The following NTM variants were observed in gnomAD, a reference collection of about 807,000 sequenced individuals.
NTM encodes neurotrimin.
NTM carries 13 observed loss-of-function variants against 42.1 expected under a neutral mutation model. The ratio of observed to expected loss-of-function variants is 0.31; its 90% CI spans 0.20 to 0.49. The LOEUF (loss-of-function observed/expected upper bound fraction) is 0.49. NTM is among the 20% of genes least tolerant of loss of function. The pLI, the probability that NTM is intolerant of heterozygous loss-of-function variation, is 0.99. For synonymous variants in NTM, 187 were observed against 179.2 expected (o/e 1.04, Z -0.35); for missense variants, 373 against 452.8 (o/e 0.82, Z 1.60).
chr11:132,256,774 C>A (rs911886368), intron 4 of NTM, among the ~76,000 whole-genome samples: 1 of 152,102 alleles, frequency 6.6e-6, no homozygotes, highest in African/African-American at 2.4e-5. Flanking sequence ...GTGGGCCAAT[C>A]AGCCCCACTC....
intron 1 of NTM, among the ~76,000 whole-genome samples, chr11:131,418,158 A>T (rs1947141488): frequency 6.6e-6 from 1 of 152,204 alleles, no homozygotes. Context: ...GATTGTATCC[A>T]ATCCTTTTTG....
intron 7 of NTM, chr11:132,317,650 TTTAGAACTAAA>T: frequency 7.7e-7 from 1 of 1,303,048 alleles, no homozygotes; most frequent in Non-Finnish European, 1.0e-6. Flanking sequence ...CCTCAACCGA[TTTAGAACTAAA>T]TGAGCCTACG....
intron 1 of NTM, among the ~76,000 whole-genome samples, chr11:131,481,626 CCCTGTTGCAGGGA>C (rs1451018491): frequency 2.2e-5 from 1 of 44,812 alleles, no homozygotes; most frequent in Non-Finnish European, 3.8e-5. Flanking sequence ...GGTTGCAGGG[CCCTGTTGCAGGGA>C]AGCACCCTAG....
intron 2 of NTM, among the ~76,000 whole-genome samples, chr11:132,087,505 C>T (rs1245755077): frequency 6.6e-6 from 1 of 152,082 alleles, no homozygotes; most frequent in East Asian, 1.9e-4. Flanking sequence ...AAAGGAACTG[C>T]CTCAAGGAGG....
intron 3 of NTM, among the ~76,000 whole-genome samples, chr11:132,185,326 T>A (rs1382640233): frequency 6.6e-6 from 1 of 152,236 alleles, no homozygotes; most frequent in African/African-American, 2.4e-5. Flanking sequence ...ATCAAGGCTT[T>A]TATGTTCCCC....
chr11:132,071,904 A>C (rs1484886007), intron 2 of NTM, among the ~76,000 whole-genome samples: 1 of 152,182 alleles, frequency 6.6e-6, no homozygotes, highest in African/African-American at 2.4e-5. Context: ...GGATCTAATA[A>C]AATCTTCTGT....
chr11:132,282,344 G>C (rs2094004317), intron 4 of NTM, among the ~76,000 whole-genome samples: 1 of 152,316 alleles, frequency 6.6e-6, no homozygotes, highest in Middle Eastern at 3.4e-3. Context: ...GCTCTTTAGG[G>C]AATAGCTTGT....
At chr11:132,149,849 T>C (rs1353013191) in intron 3 of NTM, among the ~76,000 whole-genome samples, 1 of 152,168 alleles carries the variant, frequency 6.6e-6, no homozygotes, top group Non-Finnish European at 1.5e-5. Context: ...CTTGCCAGGG[T>C]GGCTATTTTA....
At chr11:131,562,662 G>A (rs566438067) in intron 1 of NTM, among the ~76,000 whole-genome samples, 17 of 152,118 alleles carry the variant, frequency 1.1e-4, no homozygotes, top group Non-Finnish European at 1.5e-4. Context: ...CTTTTCCTTC[G>A]TGTTTCTTAA....
At chr11:131,752,853 C>A (rs1170392061) in intron 1 of NTM, among the ~76,000 whole-genome samples, 1 of 152,124 alleles carries the variant, frequency 6.6e-6, no homozygotes, top group Non-Finnish European at 1.5e-5. Context: ...GTCTAAAACA[C>A]CAAAAGCAAT....
At chr11:131,532,735 T>A (rs2051479870) in intron 1 of NTM, among the ~76,000 whole-genome samples, 2 of 152,246 alleles carry the variant, frequency 1.3e-5, no homozygotes, top group Non-Finnish European at 2.9e-5. Flanking sequence ...CACTGACTGT[T>A]TTCTATTTTT....
At chr11:132,202,109 T>A (rs1470555192) in intron 3 of NTM, among the ~76,000 whole-genome samples, 1 of 152,226 alleles carries the variant, frequency 6.6e-6, no homozygotes, top group Non-Finnish European at 1.5e-5. Context: ...TTTGAGGATC[T>A]TTTGCTTGTA....
At position 131,649,019 on chromosome 11, in the gene NTM, G is replaced by A. The variant is rs1262445686; in HGVS notation, c.83-262545G>A. ...GAAAAAAGCAGGCCCCCTGAGGTCC[G>A]CTGATGTTGTGCCCGTGTTTTCCCT... On this transcript the variant is annotated intron_variant, in intron 1 of 8. Coordinates refer to ENST00000683400, the MANE Select transcript of NTM (RefSeq NM_001352005.2). Among the ~76,000 whole-genome samples, 4 of 152,176 alleles carry A rather than the reference G, an allele frequency of 2.6e-5. No homozygotes were observed. The South Asian group carries it at 6.2e-4, about 24-fold the overall frequency.
chr11:131,587,340 C>T (rs935726142), intron 1 of NTM, among the ~76,000 whole-genome samples: 8 of 151,832 alleles, frequency 5.3e-5, no homozygotes, highest in Non-Finnish European at 2.9e-5. Flanking sequence ...CCTAGCTACT[C>T]GGGAGGCTGA....
At chr11:132,090,789 C>T (rs1038462155) in intron 2 of NTM, among the ~76,000 whole-genome samples, 2 of 152,168 alleles carry the variant, frequency 1.3e-5, no homozygotes, top group Non-Finnish European at 2.9e-5. Context: ...CCTCCTATCA[C>T]ATTCTCCTGG....
At chr11:131,404,383 G>A (rs146354635) in intron 1 of NTM, among the ~76,000 whole-genome samples, 28 of 152,188 alleles carry the variant, frequency 1.8e-4, no homozygotes, top group Middle Eastern at 3.4e-3. Flanking sequence ...GCATCGCGCC[G>A]TCCTGGCTTT....
chr11:132,186,414 G>T (rs1369409839), intron 3 of NTM, among the ~76,000 whole-genome samples: 1 of 152,198 alleles, frequency 6.6e-6, no homozygotes, highest in Non-Finnish European at 1.5e-5. Context: ...ATCCCAGCCA[G>T]TCTTGGATCT....
chr11:132,008,896 A>T (rs2071439350), intron 2 of NTM, among the ~76,000 whole-genome samples: 1 of 137,298 alleles, frequency 7.3e-6, no homozygotes. Context: ...TCAGAGCCCT[A>T]GGAGTTTCTT....
At chr11:131,394,716 A>G (rs895797) in intron 1 of NTM, among the ~76,000 whole-genome samples, 114,273 of 152,040 alleles carry the variant, frequency 0.75, 43,305 homozygotes, top group Middle Eastern at 0.8. Context: ...TTATCTGAAC[A>G]TCCATCTACT....
Sources: allele counts gnomAD v4.1 joint callset (sites outside exome capture counted in the v4.1 genomes callset), GRCh38; gene constraint gnomAD v4.1.1; transcripts MANE v1.5; gene names NCBI Gene and HGNC (gene_info 2026-07-23, HGNC 2026-07-21).